ATXN1: variants seen among roughly 807,000 people sequenced by gnomAD.
ATXN1 encodes ataxin 1.
ATXN1 carries 8 observed loss-of-function variants against 56.4 expected under a neutral mutation model. The observed-to-expected ratio is 0.14, with a 90% CI of 0.08 to 0.26. The LOEUF (loss-of-function observed/expected upper bound fraction) is 0.26. Ranked by LOEUF, ATXN1 falls within the 10% of genes least tolerant of loss-of-function variation. The pLI is 1.00. For synonymous variants in ATXN1, 514 were observed against 494.6 expected (o/e 1.04, Z -0.52); for missense variants, 987 against 1,106.5 (o/e 0.89, Z 1.53).
At chr6:16,709,039 G>A (rs1291346140) in intron 2 of ATXN1, among the ~76,000 whole-genome samples, 11 of 138,514 alleles carry the variant, frequency 7.9e-5, no homozygotes, top group African/African-American at 1.1e-4. Flanking sequence ...AAAAAAAAAA[G>A]AAAAGAAAAG....
At chr6:16,616,405 T>C (rs1171478576) in intron 3 of ATXN1, among the ~76,000 whole-genome samples, 1 of 151,530 alleles carries the variant, frequency 6.6e-6, no homozygotes, top group Non-Finnish European at 1.5e-5. Context: ...CCAGGTGTGG[T>C]GGTACACACC....
At chr6:16,659,263 T>C (rs1758268057) in intron 2 of ATXN1, among the ~76,000 whole-genome samples, 1 of 152,226 alleles carries the variant, frequency 6.6e-6, no homozygotes, top group South Asian at 2.1e-4. Flanking sequence ...AAGGATTTTA[T>C]TAGTTTTATG....
intron 6 of ATXN1, among the ~76,000 whole-genome samples, chr6:16,437,573 G>A (rs1433291213): frequency 6.6e-6 from 1 of 152,198 alleles, no homozygotes; most frequent in Non-Finnish European, 1.5e-5. Flanking sequence ...TTACTGTTCT[G>A]CCAAATTCCT....
At chr6:16,599,467 T>C (rs2005994) in intron 3 of ATXN1, among the ~76,000 whole-genome samples, 105,708 of 151,318 alleles carry the variant, frequency 0.7, 37,186 homozygotes, top group Admixed American at 0.79. Context: ...AATCCCAGCA[T>C]TTTGGGAGGC....
intron 6 of ATXN1, among the ~76,000 whole-genome samples, chr6:16,349,609 G>A (rs980973131): frequency 7.2e-5 from 11 of 152,132 alleles, no homozygotes; most frequent in Non-Finnish European, 1.5e-4. Flanking sequence ...GATGGTGAAT[G>A]GAATAATCTC....
At chr6:16,330,315 C>T (rs1173419287) in intron 6 of ATXN1, among the ~76,000 whole-genome samples, 1 of 152,084 alleles carries the variant, frequency 6.6e-6, no homozygotes, top group Non-Finnish European at 1.5e-5. Flanking sequence ...GAAACATAAC[C>T]CCCTTTCTCT....
At chr6:16,499,750 T>C (rs1760847340) in intron 5 of ATXN1, among the ~76,000 whole-genome samples, 1 of 152,200 alleles carries the variant, frequency 6.6e-6, no homozygotes, top group South Asian at 2.1e-4. Flanking sequence ...TTTGGCATGA[T>C]ACCTAAGACT....
At chr6:16,541,965 A>T (rs983966968) in intron 4 of ATXN1, among the ~76,000 whole-genome samples, 4 of 152,148 alleles carry the variant, frequency 2.6e-5, no homozygotes, top group African/African-American at 9.7e-5. Flanking sequence ...GGTGATGTCA[A>T]ATGATGCAAG....
chr6:16,328,693 G>A lies in ATXN1; in HGVS notation c.-160-223C>T, dbSNP rs1279147013. Among the ~76,000 whole-genome samples, 3 of 152,142 alleles carry A rather than the reference G, an allele frequency of 2.0e-5. No homozygotes were observed. Among genetic ancestry groups the A allele is most frequent in the African/African-American group, 7.2e-5 (3 of 41,438 alleles). ...TGGGAGGCCGAGGCAGGCAGATCAC[G>A]AGGTCAGGAGATTAAGACCATCCTG... is the stretch of plus-strand genomic sequence containing the variant. On this transcript the variant is annotated intron_variant, in intron 6 of 7. Transcript: ENST00000436367. The surrounding 1 kb of genome is among the most constrained non-coding windows in gnomAD (Gnocchi z 6.2).
intron 6 of ATXN1, among the ~76,000 whole-genome samples, chr6:16,387,985 G>A (rs1758275624): frequency 6.6e-6 from 1 of 152,112 alleles, no homozygotes; most frequent in South Asian, 2.1e-4. Context: ...ACTAATCTAA[G>A]CAACTTACCA....
chr6:16,428,709 A>G (rs183407144), intron 6 of ATXN1, among the ~76,000 whole-genome samples: 136 of 152,186 alleles, frequency 8.9e-4, no homozygotes, highest in Non-Finnish European at 3.8e-4. Flanking sequence ...AGGCTGGCTC[A>G]CTCCAGCTAA....
At chr6:16,735,648 T>G (rs1370478320) in intron 2 of ATXN1, among the ~76,000 whole-genome samples, 1 of 152,144 alleles carries the variant, frequency 6.6e-6, no homozygotes, top group East Asian at 1.9e-4. Flanking sequence ...TATGAAGATA[T>G]CTACCACTCA....
intron 6 of ATXN1, among the ~76,000 whole-genome samples, chr6:16,362,891 C>T (rs188285841): frequency 6.6e-6 from 1 of 152,306 alleles, no homozygotes; most frequent in East Asian, 1.9e-4. Context: ...ACCTACAAAG[C>T]ACTTTCAGTC....
intron 3 of ATXN1, among the ~76,000 whole-genome samples, chr6:16,632,870 G>T (rs148842043): frequency 1.3e-5 from 2 of 151,818 alleles, no homozygotes; most frequent in African/African-American, 4.8e-5. Context: ...GGTGGCATGC[G>T]CCTGTAATCC....
At chr6:16,392,273 A>G (rs191163133) in intron 6 of ATXN1, among the ~76,000 whole-genome samples, 50 of 152,326 alleles carry the variant, frequency 3.3e-4, no homozygotes, top group African/African-American at 1.2e-3. Flanking sequence ...CCAAGCACAA[A>G]GACAGAACTT....
intron 2 of ATXN1, among the ~76,000 whole-genome samples, chr6:16,702,896 GT>G (rs1759317941): frequency 6.6e-6 from 1 of 152,174 alleles, no homozygotes; most frequent in East Asian, 1.9e-4. Flanking sequence ...CTGTAAACTA[GT>G]TCAACCATTG....
chr6:16,409,025 A>G (rs1362533772), intron 6 of ATXN1, among the ~76,000 whole-genome samples: 1 of 152,258 alleles, frequency 6.6e-6, no homozygotes, highest in Non-Finnish European at 1.5e-5. Flanking sequence ...AGGTTTAGTC[A>G]ATCAAATGGT....
chr6:16,639,346 A>G (rs1763662132), intron 3 of ATXN1, among the ~76,000 whole-genome samples: 1 of 152,162 alleles, frequency 6.6e-6, no homozygotes, highest in Non-Finnish European at 1.5e-5. Flanking sequence ...AGTCAGCAAG[A>G]CCACAAACCT....
At chr6:16,461,581 C>A (rs1759998518) in intron 6 of ATXN1, among the ~76,000 whole-genome samples, 2 of 152,204 alleles carry the variant, frequency 1.3e-5, no homozygotes, top group South Asian at 4.1e-4. Flanking sequence ...GATTTCAATA[C>A]TTGTTGGTCT....
Sources: gnomAD v4.1 joint callset for allele counts (sites outside exome capture counted in the v4.1 genomes callset) on GRCh38, gnomAD v4.1.1 for gene constraint, Gnocchi (gnomAD v3.1) non-coding constraint, MANE v1.5 for transcripts, NCBI Gene and HGNC (gene_info 2026-07-23, HGNC 2026-07-21) for gene names.